ZBTB20: variants seen among roughly 807,000 people sequenced by gnomAD.
ZBTB20 encodes zinc finger and BTB domain containing 20.
In ZBTB20, 9 loss-of-function variants were observed where a neutral mutation model predicts 56.9. That is an observed-to-expected ratio of 0.16 (90% CI 0.10 to 0.28). The LOEUF is 0.28. Among genes scored for constraint, ZBTB20 ranks in the 10% least tolerant of loss-of-function variants. The pLI is 1.00. For missense variants in ZBTB20, 655 were observed against 1,003.0 expected, an observed-to-expected ratio of 0.65 and a Z score of 4.69; for synonymous variants, 417 against 420.7, an observed-to-expected ratio of 0.99 and a Z score of 0.11.
At chr3:114,985,108 C>G (rs1348296200) in intron 2 of ZBTB20, among the ~76,000 whole-genome samples, 1 of 152,046 alleles carries the variant, frequency 6.6e-6, no homozygotes, top group Non-Finnish European at 1.5e-5. Context: ...ATATCACTAT[C>G]TGCAACTATT....
At chr3:115,063,490 C>A (rs1280586862) in intron 2 of ZBTB20, among the ~76,000 whole-genome samples, 2 of 152,160 alleles carry the variant, frequency 1.3e-5, no homozygotes, top group African/African-American at 4.8e-5. Context: ...GAGGGCCCCA[C>A]CTTCATGGCC....
intron 4 of ZBTB20, chr3:114,873,988 C>T (rs1338519112): frequency 6.6e-6 from 1 of 152,204 alleles, no homozygotes; most frequent in African/African-American, 2.4e-5. Flanking sequence ...CTTATGAATA[C>T]ATCCTATTCT....
At chr3:114,703,986 T>C (rs142946197) in intron 5 of ZBTB20, among the ~76,000 whole-genome samples, 1 of 152,208 alleles carries the variant, frequency 6.6e-6, no homozygotes, top group East Asian at 1.9e-4. Flanking sequence ...TTTTTTGTTG[T>C]ATGGCAGTAT....
intron 6 of ZBTB20, among the ~76,000 whole-genome samples, chr3:114,513,374 T>C (rs768400500): frequency 1.3e-5 from 2 of 152,230 alleles, no homozygotes; most frequent in Non-Finnish European, 2.9e-5. Context: ...ATTTTATGAA[T>C]TCAACATGTA....
chr3:114,971,223 A>T (rs986822826), intron 3 of ZBTB20, among the ~76,000 whole-genome samples: 2 of 152,098 alleles, frequency 1.3e-5, no homozygotes, highest in African/African-American at 2.4e-5. Context: ...GTATCAGCTG[A>T]TTGTTATGTG....
At chr3:114,533,604 C>G (rs1348007158) in intron 6 of ZBTB20, among the ~76,000 whole-genome samples, 1 of 152,150 alleles carries the variant, frequency 6.6e-6, no homozygotes, top group East Asian at 1.9e-4. Flanking sequence ...CCTAGCAAGA[C>G]AGGCCAACAT....
chr3:114,969,053 T>C (rs1250045275), intron 3 of ZBTB20, among the ~76,000 whole-genome samples: 1 of 152,206 alleles, frequency 6.6e-6, no homozygotes, highest in Non-Finnish European at 1.5e-5. Context: ...GTTAGCAAAA[T>C]AGTCATTTAT....
At chr3:114,639,611 T>G (rs72954519) in intron 6 of ZBTB20, among the ~76,000 whole-genome samples, 3,372 of 152,110 alleles carry the variant, frequency 0.022, 116 homozygotes, top group African/African-American at 0.076. Flanking sequence ...TCAAATTAAT[T>G]TGAACTTTAT....
At chr3:114,426,455 T>G (rs2089681813) in intron 7 of ZBTB20, among the ~76,000 whole-genome samples, 1 of 151,778 alleles carries the variant, frequency 6.6e-6, no homozygotes, top group African/African-American at 2.4e-5. Context: ...CTACCCTACT[T>G]CAGATCAATT....
rs1211756531 is a variant in ZBTB20 at position 114,998,751 on chromosome 3, A to T, written c.-506-24335T>A. Among the ~76,000 whole-genome samples, 5 of 151,708 alleles carry T rather than the reference A, an allele frequency of 3.3e-5. No homozygotes were observed. In the East Asian group the frequency reaches 9.8e-4, roughly 30 times the overall value. On this transcript the variant is annotated intron_variant, in intron 2 of 11. Coordinates refer to ENST00000675478, the MANE Select transcript of ZBTB20 (RefSeq NM_001348800.3). ...ATCATTCACAGAGATGTGAATCATG[A>T]GAGAAGTGGCTTGGATGTGCTAAGT...
rs770126364 is a variant in ZBTB20, at chr3:114,941,870, T to C, written c.-456+32496A>G. ...GATATTTATCTGCTGATGCTTGTTT[T>C]ACTAACCAAATATTACATTACACAT... On this transcript the variant is annotated intron_variant, in intron 3 of 11. Coordinates refer to ENST00000675478, the MANE Select transcript of ZBTB20 (RefSeq NM_001348800.3). Among the ~76,000 whole-genome samples the C allele has an allele frequency of 9.6e-5, 14 of 146,226 alleles. 2 individuals are homozygous for C. The highest frequency in any genetic ancestry group is 1.7e-4 in the African/African-American group (6 of 36,006).
chr3:115,025,661 A>G (rs1026126923), intron 2 of ZBTB20, among the ~76,000 whole-genome samples: 7 of 150,778 alleles, frequency 4.6e-5, no homozygotes, highest in Non-Finnish European at 1.0e-4. Flanking sequence ...TAGGAAAAAA[A>G]TTAGTATCTG....
intron 5 of ZBTB20, among the ~76,000 whole-genome samples, chr3:114,699,165 A>T (rs1417904099): frequency 6.6e-6 from 1 of 152,108 alleles, no homozygotes; most frequent in Non-Finnish European, 1.5e-5. Context: ...TTTTGTGTTC[A>T]TTTCCACCAG....
At chr3:114,832,906 T>C (rs897313097) in intron 4 of ZBTB20, among the ~76,000 whole-genome samples, 2 of 152,158 alleles carry the variant, frequency 1.3e-5, no homozygotes, top group Non-Finnish European at 2.9e-5. Flanking sequence ...ACATGTACAA[T>C]TTCATAACAG....
intron 5 of ZBTB20, chr3:114,743,808 A>G (rs2066813992): frequency 6.6e-6 from 1 of 152,188 alleles, no homozygotes; most frequent in African/African-American, 2.4e-5. Context: ...GGTCCATAAA[A>G]TTGTTATTTT....
intron 6 of ZBTB20, among the ~76,000 whole-genome samples, chr3:114,669,354 C>A (rs2061234828): frequency 6.6e-6 from 1 of 151,996 alleles, no homozygotes; most frequent in Non-Finnish European, 1.5e-5. Flanking sequence ...GATAGTCTAA[C>A]AGTTAAAGAA....
At chr3:114,583,000 G>T (rs937885138) in intron 6 of ZBTB20, among the ~76,000 whole-genome samples, 6 of 152,184 alleles carry the variant, frequency 3.9e-5, no homozygotes, top group Non-Finnish European at 5.9e-5. Context: ...AGGTTTTTCA[G>T]TTGATGAAGT....
chr3:114,518,912 CAGGACAGCCCTGTT>C (rs2046333461), intron 6 of ZBTB20: 1 of 152,164 alleles, frequency 6.6e-6, no homozygotes, highest in Admixed American at 6.5e-5. Flanking sequence ...TTACAGTGCA[CAGGACAGCCCTGTT>C]CCACAGAGAT....
intron 2 of ZBTB20, among the ~76,000 whole-genome samples, chr3:114,977,481 T>C (rs1299319510): frequency 2.0e-5 from 3 of 152,154 alleles, no homozygotes; most frequent in Non-Finnish European, 2.9e-5. Flanking sequence ...CAGTGTGATA[T>C]TGGCATTGGA....
Sources: allele counts gnomAD v4.1 joint callset (sites outside exome capture counted in the v4.1 genomes callset), GRCh38; gene constraint gnomAD v4.1.1; transcripts MANE v1.5; gene names NCBI Gene and HGNC (gene_info 2026-07-23, HGNC 2026-07-21).